Variants in NR3C1 observed in about 807,000 individuals in gnomAD.
NR3C1 encodes the protein glucocorticoid receptor.
NR3C1 carries 14 observed loss-of-function variants against 74.0 expected under a neutral mutation model. The observed-to-expected ratio is 0.19, with a 90% CI of 0.12 to 0.30. The LOEUF (loss-of-function observed/expected upper bound fraction) is 0.30. Ranked by LOEUF, NR3C1 falls within the 10% of genes least tolerant of loss-of-function variation. NR3C1 has a pLI of 1.00. For missense variants in NR3C1, 695 were observed against 909.8 expected (o/e 0.76, Z 3.04); for synonymous variants, 308 against 332.5 (o/e 0.93, Z 0.80).
intron 7 of NR3C1, among the ~76,000 whole-genome samples, chr5:143,293,194 A>T (rs1414034604): frequency 5.9e-5 from 9 of 152,220 alleles, no homozygotes; most frequent in African/African-American, 1.9e-4. Context: ...AATACTACTC[A>T]GCCACAAAAA....
chr5:143,296,050 C>T lies in NR3C1; in HGVS notation c.1893-460G>A, dbSNP rs10482690. Among the ~76,000 whole-genome samples, 11 of 152,260 alleles carry T rather than the reference C, an allele frequency of 7.2e-5. No homozygotes were observed. The East Asian group carries it at 1.3e-3, about 19-fold the overall frequency. On this transcript the variant is annotated intron_variant, in intron 6 of 8. Coordinates refer to ENST00000394464, the MANE Select transcript of NR3C1 (RefSeq NM_000176.3). The stretch of plus-strand genomic sequence containing the variant: ...ACACTGTTCACAGTTATGCAGAGGG[C>T]GAGACCTAGAACTTGATTCTAGACT...
intron 7 of NR3C1, 92 bp downstream of exon 7, chr5:143,295,368 T>C: frequency 6.6e-7 from 1 of 1,517,936 alleles, no homozygotes; most frequent in Admixed American, 1.9e-5. Context: ...AGACTTGGTA[T>C]AATTATTAGT....
chr5:143,410,898 C>G (rs13153270), intron 1 of NR3C1, among the ~76,000 whole-genome samples: 2 of 152,120 alleles, frequency 1.3e-5, no homozygotes, highest in Admixed American at 6.5e-5. Flanking sequence ...AACAATTGTA[C>G]CAGCTTGCAA....
chr5:143,357,421 A>C (rs958826343), intron 2 of NR3C1, among the ~76,000 whole-genome samples: 1 of 152,218 alleles, frequency 6.6e-6, no homozygotes, highest in Non-Finnish European at 1.5e-5. Flanking sequence ...AACATGAGAA[A>C]GCTGAAATTG....
chr5:143,287,949 G>T (rs1451094751), intron 7 of NR3C1, among the ~76,000 whole-genome samples: 1 of 151,986 alleles, frequency 6.6e-6, no homozygotes, highest in Non-Finnish European at 1.5e-5. Context: ...ATTGCAACAG[G>T]GACTATATGG....
intron 2 of NR3C1, among the ~76,000 whole-genome samples, chr5:143,380,379 C>T (rs140015646): frequency 1.3e-5 from 2 of 152,218 alleles, no homozygotes; most frequent in Non-Finnish European, 2.9e-5. Context: ...ATTTAATTCA[C>T]ACTGAATCAT....
intron 2 of NR3C1, among the ~76,000 whole-genome samples, chr5:143,331,247 A>G (rs186504316): frequency 6.6e-6 from 1 of 152,324 alleles, no homozygotes; most frequent in East Asian, 1.9e-4. Context: ...ATCTCACACC[A>G]GTCAGAACAG....
chr5:143,395,250 T>C (rs568634372), intron 2 of NR3C1, among the ~76,000 whole-genome samples: 1 of 151,908 alleles, frequency 6.6e-6, no homozygotes, highest in Non-Finnish European at 1.5e-5. Flanking sequence ...ACTTGAAAAA[T>C]ACAAAACCCA....
chr5:143,412,272 AG>A (rs1449116711), intron 1 of NR3C1, among the ~76,000 whole-genome samples: 4 of 25,624 alleles, frequency 1.6e-4, no homozygotes, highest in Admixed American at 8.9e-4. Flanking sequence ...GCAGGGGGGG[AG>A]GGGGGAGGGG....
chr5:143,365,610 C>T (rs10477207), intron 2 of NR3C1, among the ~76,000 whole-genome samples: 1 of 152,210 alleles, frequency 6.6e-6, no homozygotes, highest in East Asian at 1.9e-4. Flanking sequence ...ATAGACAGAA[C>T]AACTAGATAG....
chr5:143,402,655 G>A, intron 1 of NR3C1: 1 of 985,530 alleles, frequency 1.0e-6, no homozygotes, highest in Middle Eastern at 5.2e-4. Context: ...GCCGGCCCCG[G>A]CCGCAGTCTC....
At chr5:143,309,500 T>C (rs1465705935) in intron 4 of NR3C1, among the ~76,000 whole-genome samples, 1 of 152,176 alleles carries the variant, frequency 6.6e-6, no homozygotes, top group Non-Finnish European at 1.5e-5. Context: ...AAAGGTAATA[T>C]CTTCACATAA....
chr5:143,372,659 C>A (rs1455684712), intron 2 of NR3C1, among the ~76,000 whole-genome samples: 1 of 152,186 alleles, frequency 6.6e-6, no homozygotes, highest in Non-Finnish European at 1.5e-5. Flanking sequence ...TGGTCACCAT[C>A]TGGCCTATCA....
chr5:143,403,078 C>A, intron 1 of NR3C1, 133 bp downstream of exon 1: 1 of 895,330 alleles, frequency 1.1e-6, no homozygotes, highest in Non-Finnish European at 1.3e-6. Flanking sequence ...CGGCCCTTGC[C>A]AGCCCCCCAC....
rs1019215854 is a variant in NR3C1, at chr5:143,295,315, T to C, written c.2023+145A>G. 4 of 1,390,610 alleles carry C rather than the reference T, an allele frequency of 2.9e-6. No individual in the cohort carries two copies. In the East Asian group the frequency reaches 1.1e-4, roughly 39 times the overall value. 86.1% of individuals were successfully genotyped at this position (1,390,610 alleles called of 1,614,324 possible). On this transcript the variant is annotated intron_variant, in intron 7 of 8. Coordinates refer to ENST00000394464, the MANE Select transcript of NR3C1 (RefSeq NM_000176.3). ...TGTCACTTACTGTGCCTTTCTAATA[T>C]TTTACATTCATAAAAATCATCTGAC...
intron 2 of NR3C1, among the ~76,000 whole-genome samples, chr5:143,353,940 T>G (rs1204925847): frequency 6.6e-6 from 1 of 152,208 alleles, no homozygotes; most frequent in Non-Finnish European, 1.5e-5. Context: ...ACAAAAGGCT[T>G]TTTCATCTAC....
intron 2 of NR3C1, among the ~76,000 whole-genome samples, chr5:143,330,672 C>CT (rs1300308234): frequency 1.3e-5 from 2 of 152,162 alleles, no homozygotes; most frequent in African/African-American, 4.8e-5. Context: ...TTGGACACTG[C>CT]TGTTAACAGC....
At chr5:143,417,366 A>G (rs1750962796) in intron 1 of NR3C1, among the ~76,000 whole-genome samples, 1 of 152,128 alleles carries the variant, frequency 6.6e-6, no homozygotes, top group African/African-American at 2.4e-5. Context: ...TGGCAGGGGA[A>G]TATGGAGTGG....
upstream of NR3C1, chr5:143,403,829 C>T: frequency 1.0e-6 from 1 of 968,148 alleles, no homozygotes; most frequent in Non-Finnish European, 1.2e-6. Flanking sequence ...GCGGTCCCTG[C>T]CCCCACGCCC....
Sources: allele counts gnomAD v4.1 joint callset (sites outside exome capture counted in the v4.1 genomes callset), GRCh38; gene constraint gnomAD v4.1.1; transcripts MANE v1.5; gene names NCBI Gene and HGNC (gene_info 2026-07-23, HGNC 2026-07-21).